The following FBXO15 variants were observed in gnomAD, a reference collection of about 807,000 sequenced individuals.
The protein encoded by FBXO15 is F-box only protein 15.
FBXO15 carries 30 observed loss-of-function variants against 49.5 expected under a neutral mutation model. The ratio of observed to expected loss-of-function variants is 0.61; its 90% CI spans 0.45 to 0.82. The LOEUF is 0.82. FBXO15 is among the 40% of genes least tolerant of loss of function. The pLI is 0.00. For missense variants in FBXO15, 591 were observed against 631.5 expected, an observed-to-expected ratio of 0.94 and a Z score of 0.69; for synonymous variants, 250 against 232.7, an observed-to-expected ratio of 1.07 and a Z score of -0.68.
chr18:74,130,853 A>G (rs1978351471), intron 3 of FBXO15, 195 bp from the exon 4 acceptor site: 1 of 554,986 alleles, frequency 1.8e-6, no homozygotes. Context: ...AACACCACCA[A>G]AAACACATTT....
At chr18:74,085,047 G>A (rs1404906499) in intron 8 of FBXO15, among the ~76,000 whole-genome samples, 1 of 152,030 alleles carries the variant, frequency 6.6e-6, no homozygotes, top group Non-Finnish European at 1.5e-5. Context: ...CCAATATAGT[G>A]AAGATGTCCA....
chr18:74,096,044 T>G (rs533064180), intron 8 of FBXO15, among the ~76,000 whole-genome samples: 23 of 152,128 alleles, frequency 1.5e-4, no homozygotes, highest in African/African-American at 5.3e-4. Flanking sequence ...CGTCGAAAAT[T>G]TTCCTGCAAC....
chr18:74,133,011 C>T (rs564467057), intron 3 of FBXO15, among the ~76,000 whole-genome samples: 1 of 152,320 alleles, frequency 6.6e-6, no homozygotes, highest in South Asian at 2.1e-4. Flanking sequence ...TGTGTGCTTG[C>T]CCTCTCTTCA....
rs766022442 is a variant in FBXO15 at position 74,073,689 on chromosome 18, C to T, written c.1305G>A (p.Gly435=). The T allele has an allele frequency of 1.2e-6, 2 of 1,614,022 alleles. No homozygotes were observed. The highest frequency in any genetic ancestry group is 8.5e-7 in the Non-Finnish European group (1 of 1,180,004). ...MMDVTLLDEH[G]KPFWCFSSPV... is the part of the protein sequence containing the mutation. ...GGGAACTGAAACACCAAAAGGGTTTCCCATGTTCATCCAAAAGAGTTACGT... is the reference window on the plus strand; with the variant it reads ...GGGAACTGAAACACCAAAAGGGTTTTCCATGTTCATCCAAAAGAGTTACGT... The change falls in exon 10 of 10, where the codon GGG becomes GGA. Residue 435 remains glycine, a synonymous_variant. Coordinates refer to ENST00000419743, the MANE Select transcript of FBXO15 (RefSeq NM_001142958.2).
intron 8 of FBXO15, among the ~76,000 whole-genome samples, chr18:74,115,202 C>G (rs564845145): frequency 6.6e-6 from 1 of 152,128 alleles, no homozygotes; most frequent in Non-Finnish European, 1.5e-5. Context: ...CTAAGAGACA[C>G]GAGCTGTTGC....
chr18:74,087,041 C>G (rs1333987439), intron 8 of FBXO15, among the ~76,000 whole-genome samples: 1 of 152,076 alleles, frequency 6.6e-6, no homozygotes, highest in Non-Finnish European at 1.5e-5. Context: ...ATACTATACT[C>G]TTTTAAATGT....
chr18:74,075,205 G>C lies in FBXO15; in HGVS notation c.1264-1475C>G, dbSNP rs934242510. 4.6e-5 allele frequency among the ~76,000 whole-genome samples: 7 copies of C among 152,132 alleles called. 1 individual carries two copies. Among genetic ancestry groups the C allele is most frequent in the African/African-American group, 1.7e-4 (7 of 41,422 alleles). The stretch of plus-strand genomic sequence containing the variant: ...CCCCTCCCTCAGCCCTCTGCATCCT[G>C]CTAGGAGGGTGATCTCTGCAGAGAA... On this transcript the variant is annotated intron_variant, in intron 9 of 9. Coordinates refer to ENST00000419743, the MANE Select transcript of FBXO15 (RefSeq NM_001142958.2). The surrounding 1 kb of genome is among the most constrained non-coding windows in gnomAD (Gnocchi z 4.1).
intron 5 of FBXO15, among the ~76,000 whole-genome samples, chr18:74,128,292 C>A (rs1978297946): frequency 1.3e-5 from 2 of 150,460 alleles, no homozygotes; most frequent in South Asian, 4.2e-4. Context: ...GAGCAGGCGC[C>A]ATGGAGAGGA....
chr18:74,111,378 G>A (rs1222650481), intron 8 of FBXO15, among the ~76,000 whole-genome samples: 1 of 151,708 alleles, frequency 6.6e-6, no homozygotes, highest in Non-Finnish European at 1.5e-5. Context: ...ATAACAGAAA[G>A]TTAGCTGGAA....
At chr18:74,124,974 C>G (rs1914645374) in intron 6 of FBXO15, among the ~76,000 whole-genome samples, 1 of 152,174 alleles carries the variant, frequency 6.6e-6, no homozygotes, top group Non-Finnish European at 1.5e-5. Context: ...GTTCCTCTTG[C>G]AAGTAACTGC....
intron 8 of FBXO15, among the ~76,000 whole-genome samples, chr18:74,085,803 T>C (rs1469783066): frequency 1.3e-5 from 2 of 151,968 alleles, no homozygotes; most frequent in East Asian, 1.9e-4. Context: ...AAAACACAGA[T>C]AACAAACCGA....
At chr18:74,083,231 G>A (rs141512839) in intron 8 of FBXO15, among the ~76,000 whole-genome samples, 2 of 152,316 alleles carry the variant, frequency 1.3e-5, no homozygotes, top group East Asian at 3.9e-4. Flanking sequence ...TAATTAGCAA[G>A]AGCTGTGTAG....
intron 8 of FBXO15, among the ~76,000 whole-genome samples, chr18:74,116,503 A>C (rs1265400230): frequency 1.3e-5 from 2 of 152,134 alleles, no homozygotes; most frequent in Non-Finnish European, 2.9e-5. Context: ...GTCCATACAG[A>C]ATGACCAAAT....
chr18:74,090,582 G>A (rs140467458), intron 8 of FBXO15, among the ~76,000 whole-genome samples: 48 of 152,088 alleles, frequency 3.2e-4, no homozygotes, highest in Admixed American at 7.9e-4. Flanking sequence ...TAGCTTTGTC[G>A]CAGAGATTTT....
In FBXO15 at chr18:74,103,663, C is replaced by T. The variant is rs539313520; in HGVS notation, c.1138+19705G>A. ...ATAACGTAAAAGAGCACAAATTCAT[C>T]TGGCAATAGATTTCTCAATAGAAAC... On this transcript the variant is annotated intron_variant, in intron 8 of 9. Transcript: ENST00000419743. 1.6e-4 allele frequency among the ~76,000 whole-genome samples: 25 copies of T among 152,236 alleles called. 1 individual carries two copies. In the South Asian group the frequency reaches 1.7e-3, roughly 10 times the overall value.
intron 3 of FBXO15, among the ~76,000 whole-genome samples, chr18:74,134,044 A>G (rs1390176719): frequency 6.6e-6 from 1 of 152,224 alleles, no homozygotes; most frequent in East Asian, 1.9e-4. Context: ...GCTCTAATTC[A>G]TTCTATAACT....
chr18:74,118,624 CTG>C (rs1914340735), intron 8 of FBXO15, among the ~76,000 whole-genome samples: 1 of 151,914 alleles, frequency 6.6e-6, no homozygotes, highest in Non-Finnish European at 1.5e-5. Context: ...ATTTTTAAAA[CTG>C]AAAGTAATAT....
chr18:74,083,602 C>T (rs772050565), intron 8 of FBXO15, among the ~76,000 whole-genome samples: 8 of 152,210 alleles, frequency 5.3e-5, no homozygotes, highest in East Asian at 1.9e-4. Context: ...CAGCCAATAA[C>T]GTCTCAGTGG....
intron 8 of FBXO15, among the ~76,000 whole-genome samples, chr18:74,088,026 G>A (rs1169222218): frequency 6.6e-6 from 1 of 152,136 alleles, no homozygotes; most frequent in Non-Finnish European, 1.5e-5. Context: ...TTTGAAAATT[G>A]TCTGTTCATG....
Sources: allele counts gnomAD v4.1 joint callset (sites outside exome capture counted in the v4.1 genomes callset), GRCh38; gene constraint gnomAD v4.1.1; non-coding constraint Gnocchi (gnomAD v3.1); transcripts MANE v1.5; gene names NCBI Gene and HGNC (gene_info 2026-07-23, HGNC 2026-07-21).